The following MSH4 variants were observed in gnomAD, a reference collection of about 807,000 sequenced individuals.
MSH4 encodes the protein mutS homolog 4.
In MSH4, 106 loss-of-function variants were observed where a neutral mutation model predicts 113.7. That is an observed-to-expected ratio of 0.93 (90% confidence interval 0.80 to 1.10). The LOEUF is 1.10. Among genes scored for constraint, MSH4 ranks in the 50% least tolerant of loss-of-function variants. The pLI is 0.00. For synonymous variants in MSH4, 368 were observed against 380.2 expected, an observed-to-expected ratio of 0.97 and a Z score of 0.37; for missense variants, 1,061 against 1,093.7, an observed-to-expected ratio of 0.97 and a Z score of 0.42.
chr1:75,882,898 G>A (rs1450564724), intron 14 of MSH4, among the ~76,000 whole-genome samples: 2 of 152,058 alleles, frequency 1.3e-5, no homozygotes, highest in Non-Finnish European at 2.9e-5. Context: ...TATTAAAGTA[G>A]GGAAGTAGTG....
At chr1:75,850,786 C>G (rs1651169380) in intron 8 of MSH4, among the ~76,000 whole-genome samples, 1 of 152,004 alleles carries the variant, frequency 6.6e-6, no homozygotes, top group African/African-American at 2.4e-5. Context: ...GTGTCAAAAT[C>G]TCCAAATGTA....
chr1:75,912,897 T>A lies in MSH4; in HGVS notation c.*10T>A. On this transcript the variant is annotated 3_prime_UTR_variant, in exon 20 of 20. Transcript: ENST00000263187. Reference sequence around the variant, plus strand: ...AAAGACTGAAGAATAATCACAATTCTAATGTAATAATATATCTTAATTCAA... The same window carrying A: ...AAAGACTGAAGAATAATCACAATTCAAATGTAATAATATATCTTAATTCAA... 6.9e-7 allele frequency: 1 copy of A among 1,458,454 alleles called. No homozygotes were observed. Among genetic ancestry groups the A allele is most frequent in the Non-Finnish European group, 9.1e-7 (1 of 1,095,576 alleles). 90.3% of individuals were successfully genotyped at this position (1,458,454 alleles called of 1,614,324 possible).
intron 19 of MSH4, among the ~76,000 whole-genome samples, chr1:75,903,749 C>T (rs1449887405): frequency 2.0e-5 from 3 of 151,844 alleles, no homozygotes; most frequent in East Asian, 3.9e-4. Flanking sequence ...ATACAAATGT[C>T]ACTGATTTTT....
chr1:75,810,399 G>C (rs1044799772), intron 3 of MSH4, among the ~76,000 whole-genome samples: 1 of 146,706 alleles, frequency 6.8e-6, no homozygotes, highest in African/African-American at 2.5e-5. Context: ...CACCATGCTC[G>C]GGTAATTTTT....
intron 9 of MSH4, among the ~76,000 whole-genome samples, chr1:75,871,383 A>G (rs1163086490): frequency 1.3e-5 from 2 of 152,186 alleles, no homozygotes; most frequent in Non-Finnish European, 2.9e-5. Context: ...ACAAAATACT[A>G]ATTTCTGTCA....
intron 14 of MSH4, among the ~76,000 whole-genome samples, chr1:75,882,609 C>T (rs992354330): frequency 6.8e-6 from 1 of 146,874 alleles, no homozygotes; most frequent in African/African-American, 2.5e-5. Flanking sequence ...CATACCTCAA[C>T]TTATGAGCTA....
intron 6 of MSH4, among the ~76,000 whole-genome samples, chr1:75,819,477 A>G (rs1055852984): frequency 3.3e-5 from 5 of 152,210 alleles, no homozygotes; most frequent in African/African-American, 1.2e-4. Flanking sequence ...GCAACAGAGC[A>G]AGACTCTGTC....
At chr1:75,847,827 G>A (rs1345434766) in intron 7 of MSH4, among the ~76,000 whole-genome samples, 1 of 152,122 alleles carries the variant, frequency 6.6e-6, no homozygotes, top group Non-Finnish European at 1.5e-5. Context: ...CGGTAGGAAT[G>A]GCACTAAGCT....
chr1:75,882,369 A>G lies in MSH4; in HGVS notation c.1906+999A>G, dbSNP rs549867585. 4.6e-5 allele frequency among the ~76,000 whole-genome samples: 7 copies of G among 152,076 alleles called. No individual in the cohort carries two copies. The East Asian group carries it at 7.7e-4, about 17-fold the overall frequency. On this transcript the variant is annotated intron_variant, in intron 14 of 19. Transcript: ENST00000263187. ...ATGATGAATGTTTTCAAGTTTATGC[A>G]TTTTAGATAAAGGTATGGAACATTT...
intron 15 of MSH4, 136 bp downstream of exon 15, chr1:75,883,957 G>A (rs1365517419): frequency 1.5e-6 from 1 of 650,248 alleles, no homozygotes; most frequent in Non-Finnish European, 2.6e-6. Context: ...AAGTATAACA[G>A]TGTGTCTGTT....
At chr1:75,856,685 C>T (rs755975135) in intron 8 of MSH4, among the ~76,000 whole-genome samples, 1 of 152,186 alleles carries the variant, frequency 6.6e-6, no homozygotes, top group Non-Finnish European at 1.5e-5. Flanking sequence ...TCCAGTCTAT[C>T]ACTGATGGAC....
intron 8 of MSH4, among the ~76,000 whole-genome samples, 177 bp from the exon 9 acceptor site, chr1:75,867,337 G>A (rs1365637861): frequency 6.7e-6 from 1 of 150,270 alleles, no homozygotes; most frequent in African/African-American, 2.5e-5. Flanking sequence ...AAACCGGTGT[G>A]CTAGGTTAAT....
chr1:75,877,011 C>T lies in MSH4; in HGVS notation c.1370+11C>T. On this transcript the variant is annotated intron_variant, in intron 10 of 19. Transcript: ENST00000263187. ...CTTGGAAGACAAGAGGTCTTTGTCA[C>T]TCAACCGTTAATAAAAAATAAGATT... 1 of 1,504,650 alleles carries T rather than the reference C, an allele frequency of 6.6e-7. No individual in the cohort carries two copies. The highest frequency in any genetic ancestry group is 9.0e-7 in the Non-Finnish European group (1 of 1,116,056). The allele number at this position is 1,504,650 out of a possible 1,614,324, so 93.2% of individuals were successfully genotyped here.
chr1:75,856,622 C>CT (rs960597570), intron 8 of MSH4, among the ~76,000 whole-genome samples: 8 of 152,240 alleles, frequency 5.3e-5, no homozygotes, highest in African/African-American at 1.4e-4. Context: ...TGAACTCATC[C>CT]TTTTTTATGG....
intron 8 of MSH4, among the ~76,000 whole-genome samples, chr1:75,854,058 T>C (rs1401030873): frequency 7.2e-6 from 1 of 139,340 alleles, no homozygotes; most frequent in East Asian, 2.2e-4. Context: ...GACCTCTATA[T>C]TTATTTCTGT....
intron 9 of MSH4, among the ~76,000 whole-genome samples, chr1:75,869,269 CA>C (rs1651657856): frequency 1.3e-5 from 2 of 152,030 alleles, no homozygotes; most frequent in Admixed American, 6.6e-5. Context: ...AGAGGGTATC[CA>C]GGGGGAAGAA....
At chr1:75,877,953 C>G (rs2100569911) in intron 10 of MSH4, among the ~76,000 whole-genome samples, 196 bp from the exon 11 acceptor site, 1 of 152,182 alleles carries the variant, frequency 6.6e-6, no homozygotes, top group East Asian at 1.9e-4. Context: ...TTAGACTAGT[C>G]CTGACTGATG....
chr1:75,808,100 A>G (rs1484602279), intron 3 of MSH4, among the ~76,000 whole-genome samples: 1 of 152,158 alleles, frequency 6.6e-6, no homozygotes, highest in Admixed American at 6.6e-5. Flanking sequence ...GTGAAAGATA[A>G]AATTTATTTC....
chr1:75,884,296 A>G (rs1050660673), intron 15 of MSH4, among the ~76,000 whole-genome samples: 1 of 152,130 alleles, frequency 6.6e-6, no homozygotes, highest in Non-Finnish European at 1.5e-5. Context: ...CAGTTGATAT[A>G]TTATACATAC....
Sources: gnomAD v4.1 joint callset for allele counts (sites outside exome capture counted in the v4.1 genomes callset) on GRCh38, gnomAD v4.1.1 for gene constraint, MANE v1.5 for transcripts, NCBI Gene and HGNC (gene_info 2026-07-23, HGNC 2026-07-21) for gene names.